The following ARK2N variants were observed in gnomAD, a reference collection of about 807,000 sequenced individuals.
ARK2N encodes the protein protein ARK2N.
At chr18:46,217,637 A>G in the ARK2N span, 7 of 152,246 alleles carry the variant, frequency 4.6e-5, no homozygotes, top group Non-Finnish European at 7.3e-5. Context: ...AATGGAATCT[A>G]TAGCTTCCCA....
chr18:46,249,045 G>A, the ARK2N span, among the ~76,000 whole-genome samples: 1 of 152,066 alleles, frequency 6.6e-6, no homozygotes, highest in East Asian at 1.9e-4. Context: ...TGACTTTCCT[G>A]TTGTACTTAC....
the ARK2N span, among the ~76,000 whole-genome samples, chr18:46,260,833 C>T: frequency 6.6e-6 from 1 of 152,184 alleles, no homozygotes. Flanking sequence ...TGATTTTACT[C>T]CAGTTCTATG....
the ARK2N span, among the ~76,000 whole-genome samples, chr18:46,175,577 C>CAA: frequency 3.7e-4 from 29 of 79,330 alleles, no homozygotes; most frequent in South Asian, 1.5e-3. Flanking sequence ...AGTCTCAGGA[C>CAA]AAAAAAAAAA....
the ARK2N span, among the ~76,000 whole-genome samples, chr18:46,191,046 T>G: frequency 1.3e-5 from 2 of 152,198 alleles, no homozygotes; most frequent in East Asian, 3.8e-4. Flanking sequence ...ATCTCGGCAC[T>G]GTTTTTTATC....
At chr18:46,231,590 T>A in the ARK2N span, among the ~76,000 whole-genome samples, 32 of 101,254 alleles carry the variant, frequency 3.2e-4, no homozygotes, top group Non-Finnish European at 4.4e-4. Context: ...TTTTTTTTTT[T>A]AAATCTCACT....
chr18:46,236,632 T>C, the ARK2N span, among the ~76,000 whole-genome samples: 1 of 152,220 alleles, frequency 6.6e-6, no homozygotes, highest in Admixed American at 6.5e-5. Context: ...AATGACTGAA[T>C]CTTAAATTGG....
chr18:46,199,574 G>A, the ARK2N span, among the ~76,000 whole-genome samples: 10 of 144,532 alleles, frequency 6.9e-5, no homozygotes, highest in Admixed American at 1.5e-4. Context: ...TGATCCACCC[G>A]CCTCAGCCTC....
the ARK2N span, among the ~76,000 whole-genome samples, chr18:46,227,798 A>G: frequency 1.3e-5 from 2 of 152,116 alleles, no homozygotes; most frequent in African/African-American, 4.8e-5. Context: ...GGGTTTCTCC[A>G]TGTTGGTCAG....
chr18:46,185,697 C>G, the ARK2N span, among the ~76,000 whole-genome samples: 1 of 152,152 alleles, frequency 6.6e-6, no homozygotes, highest in Non-Finnish European at 1.5e-5. Flanking sequence ...GTTTAAAAAA[C>G]CAGGTAAGGC....
At chr18:46,255,445 C>CTTTTCTTTTTTTTTTTTTT in the ARK2N span, among the ~76,000 whole-genome samples, 1 of 77,744 alleles carries the variant, frequency 1.3e-5, no homozygotes, top group African/African-American at 6.1e-5. Flanking sequence ...CTTTTCTTTT[C>CTTTTCTTTTTTTTTTTTTT]TTTTTTTTTT....
At chr18:46,215,682 A>C in the ARK2N span, 1 of 440,542 alleles carries the variant, frequency 2.3e-6, no homozygotes, top group Non-Finnish European at 4.0e-6. Context: ...ACAAGCAGAT[A>C]ATAATATATA....
the ARK2N span, among the ~76,000 whole-genome samples, chr18:46,255,419 T>TCTTTTCTTTG: frequency 8.4e-4 from 125 of 148,212 alleles, 2 homozygotes; most frequent in African/African-American, 2.9e-3. Flanking sequence ...TCTTTTCTTT[T>TCTTTTCTTTG]CTTTTCTTTG....
chr18:46,192,889 A>AT, the ARK2N span, among the ~76,000 whole-genome samples: 1 of 151,494 alleles, frequency 6.6e-6, no homozygotes, highest in Admixed American at 6.6e-5. Context: ...GTCTCAAAAA[A>AT]AAAAAAAAAA....
chr18:46,230,727 A>G, the ARK2N span, among the ~76,000 whole-genome samples: 1 of 152,234 alleles, frequency 6.6e-6, no homozygotes, highest in Non-Finnish European at 1.5e-5. Flanking sequence ...AAGTTACTTC[A>G]TTTAAAAAAT....
chr18:46,194,207 C>G, the ARK2N span, among the ~76,000 whole-genome samples: 4 of 152,122 alleles, frequency 2.6e-5, no homozygotes, highest in African/African-American at 9.7e-5. Context: ...CTGCGTTGGC[C>G]TCCCAAGGCT....
At chr18:46,227,280 T>A in the ARK2N span, among the ~76,000 whole-genome samples, 2 of 152,138 alleles carry the variant, frequency 1.3e-5, no homozygotes, top group African/African-American at 2.4e-5. Context: ...ACAATCAAGA[T>A]CTTCGATGTC....
the ARK2N span, among the ~76,000 whole-genome samples, chr18:46,259,318 A>T: frequency 6.8e-6 from 1 of 146,098 alleles, no homozygotes; most frequent in South Asian, 2.1e-4. Context: ...ATCTCGGCTC[A>T]CTGCAACCTC....
At chr18:46,177,594 A>T in the ARK2N span, among the ~76,000 whole-genome samples, 1 of 151,880 alleles carries the variant, frequency 6.6e-6, no homozygotes, top group East Asian at 1.9e-4. Flanking sequence ...ACGCCTGACT[A>T]ATTTTTTATT....
At chr18:46,209,410 A>G in the ARK2N span, among the ~76,000 whole-genome samples, 1 of 150,982 alleles carries the variant, frequency 6.6e-6, no homozygotes, top group Admixed American at 6.6e-5. Context: ...CCAGATTTTC[A>G]CAAGTAGCCT....
Sources: gnomAD v4.1 joint callset for allele counts (sites outside exome capture counted in the v4.1 genomes callset) on GRCh38, gnomAD v4.1.1 for gene constraint, MANE v1.5 for transcripts, NCBI Gene and HGNC (gene_info 2026-07-23, HGNC 2026-07-21) for gene names.